The following MYBL1 variants were observed in gnomAD, a reference collection of about 807,000 sequenced individuals.
MYBL1 encodes myb-related protein A.
In MYBL1, 17 loss-of-function variants were observed where a neutral mutation model predicts 96.3. The ratio of observed to expected loss-of-function variants is 0.18; its 90% CI spans 0.12 to 0.26. The LOEUF (loss-of-function observed/expected upper bound fraction) is 0.26. Ranked by LOEUF, MYBL1 falls within the 10% of genes least tolerant of loss-of-function variation. The probability of loss-of-function intolerance (pLI) is 1.00; values close to 1 mark genes in which losing one functional copy is unlikely to be tolerated. For missense variants in MYBL1, 701 were observed against 882.9 expected (o/e 0.79, Z 2.61); for synonymous variants, 282 against 292.7 (o/e 0.96, Z 0.37).
chr8:66,577,672 C>A (rs1375338289), intron 9 of MYBL1, among the ~76,000 whole-genome samples: 3 of 152,034 alleles, frequency 2.0e-5, no homozygotes, highest in Non-Finnish European at 2.9e-5. Flanking sequence ...TTTATAGATT[C>A]AGTGCCATCC....
intron 8 of MYBL1, among the ~76,000 whole-genome samples, chr8:66,589,394 C>A (rs1403753413): frequency 6.6e-6 from 1 of 151,822 alleles, no homozygotes; most frequent in African/African-American, 2.4e-5. Context: ...CTCACCGCAG[C>A]CTCAAACCCC....
intron 4 of MYBL1, 47 bp from the exon 5 acceptor site, chr8:66,597,597 A>G (rs757842663): frequency 2.6e-6 from 3 of 1,136,446 alleles, no homozygotes; most frequent in Non-Finnish European, 3.8e-6. Flanking sequence ...CCTTCAAAGA[A>G]TTTTAAAACA....
intron 8 of MYBL1, among the ~76,000 whole-genome samples, chr8:66,591,628 G>C (rs1563542921): frequency 1.3e-5 from 2 of 151,756 alleles, no homozygotes; most frequent in Non-Finnish European, 2.9e-5. Context: ...TATATTTTTA[G>C]TGTTATTACT....
At chr8:66,595,502 G>T in intron 6 of MYBL1, 81 bp downstream of exon 6, 2 of 797,108 alleles carry the variant, frequency 2.5e-6, no homozygotes, top group Non-Finnish European at 3.6e-6. Context: ...CATTGTATTT[G>T]TCCTATTAAG....
intron 8 of MYBL1, among the ~76,000 whole-genome samples, chr8:66,589,495 T>G (rs1434660251): frequency 6.6e-6 from 1 of 152,050 alleles, no homozygotes; most frequent in Non-Finnish European, 1.5e-5. Flanking sequence ...ATTTATTTAT[T>G]TTTAAGATGG....
At chr8:66,602,570 T>A in intron 1 of MYBL1, 47 bp from the exon 2 acceptor site, 1 of 1,400,324 alleles carries the variant, frequency 7.1e-7, no homozygotes, top group Non-Finnish European at 9.9e-7. Context: ...TATTTAAATT[T>A]GTAAATTCAA....
chr8:66,572,556 TG>T lies in MYBL1; in HGVS notation c.1653del (p.Thr552HisfsTer40). 1 of 1,602,958 alleles carries T rather than the reference TG, an allele frequency of 6.2e-7. No homozygotes were observed. The highest frequency in any genetic ancestry group is 8.5e-7 in the Non-Finnish European group (1 of 1,172,384). ...TPTIRRSILG[T>X]TPRTPTPFKN... ...TTAAAAGGAGTAGGAGTTCTTGGTG[TG>T]GTACCCAGTATAGATCTTCTAATAG... On this transcript the variant is annotated frameshift_variant, in exon 12 of 16. Transcript: ENST00000522677. LOFTEE classifies it high-confidence loss of function.
chr8:66,601,741 T>C lies in MYBL1; in HGVS notation c.155A>G (p.Gln52Arg), dbSNP rs907425117. Residue 52 changes from glutamine to arginine, a missense_variant, in exon 3 of 16, where the codon CAA (glutamine) becomes CGA (arginine). Physicochemically the swap from Gln to Arg is conservative, Grantham distance 43. Coordinates refer to ENST00000522677, the MANE Select transcript of MYBL1 (RefSeq NM_001080416.4). Reference protein sequence around the residue: ...EDDKLKKLVEQHGTDDWTLIA... With the variant: ...EDDKLKKLVERHGTDDWTLIA... ...TAGAGTCCAATCATCAGTTCCATGT[T>C]GTTCAACCAACTTCTTTAATTTATC... The C allele has an allele frequency of 1.0e-5, 16 of 1,529,684 alleles. No individual in the cohort carries two copies. The Admixed American group carries it at 2.4e-4, about 23-fold the overall frequency. The allele number at this position is 1,529,684 out of a possible 1,614,324, so 94.8% of individuals were successfully genotyped here.
chr8:66,576,850 T>G (rs1249355976), intron 9 of MYBL1, among the ~76,000 whole-genome samples: 1 of 152,132 alleles, frequency 6.6e-6, no homozygotes, highest in African/African-American at 2.4e-5. Context: ...TCTGTAGTAC[T>G]GAAAAAGTAG....
rs748428308 is a variant in MYBL1, at chr8:66,595,585, G to T, written c.685C>A (p.Gln229Lys). The T allele has an allele frequency of 4.5e-6, 7 of 1,545,948 alleles. No homozygotes were observed. Among genetic ancestry groups the T allele is most frequent in the Non-Finnish European group, 5.2e-6 (6 of 1,148,424 alleles). Residue 229 changes from glutamine to lysine, a missense_variant and splice_region_variant, in exon 6 of 16, where the codon CAG becomes AAG. By Grantham distance (53) the Gln-to-Lys change is moderately conservative. This residue lies in a region of MYBL1 where 396 missense variants were observed against 407.4 expected (regional missense o/e 0.97). Coordinates refer to ENST00000522677, the MANE Select transcript of MYBL1 (RefSeq NM_001080416.4). ...ATAAAGGTATTAAAAGTATGTGCCT[G>T]AACAGGTATGTAAAACTGATTCTGG... ...QTQNQFYIPVQIPGYQYVSPE... is the reference protein window; with the variant it reads ...QTQNQFYIPVKIPGYQYVSPE...
At chr8:66,571,326 A>G (rs1808719272) in intron 12 of MYBL1, among the ~76,000 whole-genome samples, 1 of 152,142 alleles carries the variant, frequency 6.6e-6, no homozygotes, top group Non-Finnish European at 1.5e-5. Flanking sequence ...AACCAAGCAC[A>G]CAGTACTTGA....
intron 12 of MYBL1, among the ~76,000 whole-genome samples, chr8:66,572,080 G>C (rs549620944): frequency 1.4e-4 from 21 of 151,704 alleles, no homozygotes; most frequent in South Asian, 4.2e-4. Context: ...AGGCCGAGGT[G>C]GGGGGGAGGG....
At chr8:66,598,968 A>C in intron 4 of MYBL1, 82 bp downstream of exon 4, 1 of 821,766 alleles carries the variant, frequency 1.2e-6, no homozygotes, top group Non-Finnish European at 1.7e-6. Flanking sequence ...TTAAACATGT[A>C]CTTCATATGT....
intron 4 of MYBL1, among the ~76,000 whole-genome samples, 179 bp downstream of exon 4, chr8:66,598,871 C>A (rs1809955700): frequency 6.6e-6 from 1 of 152,084 alleles, no homozygotes; most frequent in African/African-American, 2.4e-5. Context: ...TGGTTTGACT[C>A]AATTTTCTAA....
chr8:66,601,003 T>C (rs1306763376), intron 3 of MYBL1, among the ~76,000 whole-genome samples: 1 of 150,922 alleles, frequency 6.6e-6, no homozygotes, highest in Non-Finnish European at 1.5e-5. Flanking sequence ...AAACCCCGTC[T>C]CTACTAAAAA....
rs1280034952 is a variant in MYBL1 at position 66,601,720 on chromosome 8, G to T, written c.176C>A (p.Thr59Asn). 6.6e-7 allele frequency: 1 copy of T among 1,520,162 alleles called. No homozygotes were observed. 94.2% of individuals were successfully genotyped at this position (1,520,162 alleles called of 1,614,324 possible). Residue 59 changes from threonine to asparagine, a missense_variant, in exon 3 of 16, where the codon ACT (threonine) becomes AAT (asparagine). Transcript: ENST00000522677. ...LVEQHGTDDW[T>N]LIASHLQNRS... is the part of the protein sequence containing the mutation. ...TACTTGAAGATGACTAGCAATTAGA[G>T]TCCAATCATCAGTTCCATGTTGTTC...
Position 66,602,960 on chromosome 8 carries a change from T to C in MYBL1, c.21-437A>G, listed in dbSNP as rs545382638. 2.6e-5 allele frequency among the ~76,000 whole-genome samples: 4 copies of C among 151,414 alleles called. No homozygotes were observed. In the South Asian group the frequency reaches 8.4e-4, roughly 32 times the overall value. ...CAGGGTTTCACCGTGTTAACCAGGA[T>C]GGTCTCGATCTCCTGACCTTGTGAT... On this transcript the variant is annotated intron_variant, in intron 1 of 15. Coordinates refer to ENST00000522677, the MANE Select transcript of MYBL1 (RefSeq NM_001080416.4).
chr8:66,593,186 C>A lies in MYBL1; in HGVS notation c.696G>T (p.Gly232=). The change falls in exon 7 of 16, where the codon GGG becomes GGT. Residue 232 remains glycine (G), a synonymous_variant. Transcript: ENST00000522677. ...NQFYIPVQIP[G]YQYVSPEGNC... is the part of the protein sequence containing the mutation. The stretch of plus-strand genomic sequence containing the variant: ...TGCCTTCAGGTGACACATACTGATA[C>A]CCAGGGATCTAAAAAGTAATTAATG... 1 of 1,572,676 alleles carries A rather than the reference C, an allele frequency of 6.4e-7. No homozygotes were observed. Among genetic ancestry groups the A allele is most frequent in the African/African-American group, 1.3e-5 (1 of 74,136 alleles).
chr8:66,571,384 T>C (rs1808720823), intron 12 of MYBL1, among the ~76,000 whole-genome samples: 1 of 152,174 alleles, frequency 6.6e-6, no homozygotes, highest in South Asian at 2.1e-4. Context: ...AGCTTCACAA[T>C]AACAATTTGG....
Sources: allele counts gnomAD v4.1 joint callset (sites outside exome capture counted in the v4.1 genomes callset), GRCh38; gene constraint gnomAD v4.1.1; regional missense constraint gnomAD v4.1.1; transcripts MANE v1.5; gene names NCBI Gene and HGNC (gene_info 2026-07-23, HGNC 2026-07-21).